The following USP34 variants were observed in gnomAD, a reference collection of about 807,000 sequenced individuals.
USP34 encodes ubiquitin specific peptidase 34, also known as ubiquitin carboxyl-terminal hydrolase 34.
In USP34, 70 loss-of-function variants were observed where a neutral mutation model predicts 460.3. That is an observed-to-expected ratio of 0.15 (90% CI 0.13 to 0.19). USP34 has a LOEUF of 0.19. USP34 is among the 10% of genes least tolerant of loss of function. The pLI, the probability that USP34 is intolerant of heterozygous loss-of-function variation, is 1.00. For synonymous variants in USP34, 1,647 were observed against 1,405.3 expected, an observed-to-expected ratio of 1.17 and a Z score of -3.85; for missense variants, 3,985 against 4,236.2, an observed-to-expected ratio of 0.94 and a Z score of 1.65.
intron 1 of USP34, among the ~76,000 whole-genome samples, chr2:61,467,415 G>A (rs1007926029): frequency 1.9e-4 from 29 of 152,148 alleles, no homozygotes; most frequent in Non-Finnish European, 3.2e-4. Flanking sequence ...CTCCTGCCGA[G>A]GCGGGATTAC....
At chr2:61,236,548 TA>T (rs1444842719) in intron 53 of USP34, among the ~76,000 whole-genome samples, 159 bp from the exon 54 acceptor site, 2 of 152,142 alleles carry the variant, frequency 1.3e-5, no homozygotes, top group Non-Finnish European at 2.9e-5. Context: ...TATATTCATA[TA>T]AATGGTTGCT....
At chr2:61,341,485 A>C (rs1451322070) in intron 16 of USP34, among the ~76,000 whole-genome samples, 1 of 152,108 alleles carries the variant, frequency 6.6e-6, no homozygotes, top group Non-Finnish European at 1.5e-5. Flanking sequence ...ATCCCTCATG[A>C]ATGTCTTCAT....
At chr2:61,396,145 C>A (rs1469425021) in intron 3 of USP34, among the ~76,000 whole-genome samples, 8 of 151,600 alleles carry the variant, frequency 5.3e-5, no homozygotes, top group Admixed American at 5.3e-4. Flanking sequence ...AAAAGTTTCT[C>A]AACAAACTTT....
chr2:61,374,712 T>C (rs1267326547), intron 8 of USP34, among the ~76,000 whole-genome samples: 1 of 151,678 alleles, frequency 6.6e-6, no homozygotes. Flanking sequence ...CAGGTTCAAG[T>C]GATTCACCAC....
intron 6 of USP34, among the ~76,000 whole-genome samples, chr2:61,381,016 G>C (rs900327182): frequency 6.6e-6 from 1 of 151,978 alleles, no homozygotes; most frequent in African/African-American, 2.4e-5. Flanking sequence ...TAGCATGCTC[G>C]TTAAGAGTCA....
At chr2:61,219,110 T>G (rs1687484462) in intron 67 of USP34, among the ~76,000 whole-genome samples, 1 of 152,264 alleles carries the variant, frequency 6.6e-6, no homozygotes, top group Non-Finnish European at 1.5e-5. Context: ...AAGTATGGAC[T>G]CATGAATATT....
At chr2:61,231,275 G>T (rs960091485) in intron 58 of USP34, among the ~76,000 whole-genome samples, 1 of 151,824 alleles carries the variant, frequency 6.6e-6, no homozygotes, top group African/African-American at 2.4e-5. Context: ...ATTGCTAATG[G>T]GTATAGGGTT....
chr2:61,465,087 C>T (rs1695722498), intron 1 of USP34, among the ~76,000 whole-genome samples: 1 of 151,816 alleles, frequency 6.6e-6, no homozygotes, highest in Admixed American at 6.6e-5. Flanking sequence ...ATGGCAAGTC[C>T]AGTATTTTAG....
chr2:61,338,733 C>A (rs1457904826), intron 18 of USP34, among the ~76,000 whole-genome samples: 2 of 151,746 alleles, frequency 1.3e-5, no homozygotes, highest in Non-Finnish European at 2.9e-5. Context: ...CAACTGAGTC[C>A]CAATGAGAAG....
At position 61,405,714 on chromosome 2, in the gene USP34, A is replaced by G; in HGVS notation, c.546T>C (p.Thr182=). ...CACCACCTATTTTACATACCTCAAT[A>G]GTAGGGTGAGTATTATGCTTGTAAG... ...YTAYKHNTHP[T]IEDISTQESN... is the part of the protein sequence containing the mutation. The change falls in exon 3 of 80, where the codon ACT becomes ACC. Residue 182 remains threonine (T), a synonymous_variant. Coordinates refer to ENST00000398571, the MANE Select transcript of USP34 (RefSeq NM_014709.4). The G allele has an allele frequency of 1.3e-6, 2 of 1,541,350 alleles. No individual in the cohort carries two copies. Among genetic ancestry groups the G allele is most frequent in the South Asian group, 1.3e-5 (1 of 77,520 alleles).
At chr2:61,313,328 C>CA (rs1379605421) in intron 25 of USP34, among the ~76,000 whole-genome samples, 2 of 151,662 alleles carry the variant, frequency 1.3e-5, no homozygotes, top group African/African-American at 4.8e-5. Context: ...ACTGAATGCT[C>CA]AAAAAACAAA....
chr2:61,238,058 G>C (rs1190580788), intron 53 of USP34, among the ~76,000 whole-genome samples: 1 of 151,716 alleles, frequency 6.6e-6, no homozygotes, highest in African/African-American at 2.4e-5. Context: ...ACCATACCCA[G>C]TTAATTTTTG....
chr2:61,352,042 G>C (rs530154591), intron 10 of USP34, among the ~76,000 whole-genome samples: 3 of 152,158 alleles, frequency 2.0e-5, no homozygotes, highest in Admixed American at 6.5e-5. Context: ...TTCAGGTTTT[G>C]GATTTTTCCA....
intron 75 of USP34, among the ~76,000 whole-genome samples, chr2:61,198,560 T>C (rs1572828238): frequency 6.7e-6 from 1 of 150,122 alleles, no homozygotes; most frequent in Non-Finnish European, 1.5e-5. Context: ...TGATAGACTT[T>C]TTTTTTTTTT....
At chr2:61,347,265 A>G (rs1691799879) in intron 15 of USP34, among the ~76,000 whole-genome samples, 1 of 152,240 alleles carries the variant, frequency 6.6e-6, no homozygotes, top group Non-Finnish European at 1.5e-5. Flanking sequence ...CTTGGTAAGA[A>G]AAAAAGGAAG....
chr2:61,377,294 A>G (rs17008755), intron 8 of USP34, among the ~76,000 whole-genome samples: 22,862 of 152,138 alleles, frequency 0.15, 2,063 homozygotes, highest in South Asian at 0.36. Context: ...TATGACTCAC[A>G]TGTATAATCA....
rs551549538 is a variant in USP34, at chr2:61,337,191, T to C, written c.2744+2160A>G. Among the ~76,000 whole-genome samples, 3 of 152,286 alleles carry C rather than the reference T, an allele frequency of 2.0e-5. No individual in the cohort carries two copies. The South Asian group carries it at 6.2e-4, about 32-fold the overall frequency. On this transcript the variant is annotated intron_variant, in intron 18 of 79. Transcript: ENST00000398571. ...CCATTCCAACCACTCAGGGTAGCTA[T>C]TACCCAGTCTACTAAATACAAGAAC...
intron 5 of USP34, among the ~76,000 whole-genome samples, chr2:61,386,721 T>C (rs1447529528): frequency 6.6e-6 from 1 of 151,890 alleles, no homozygotes; most frequent in Non-Finnish European, 1.5e-5. Flanking sequence ...ACCCAGGAGG[T>C]GGATGTTGCA....
At chr2:61,217,176 T>C (rs549533755) in intron 67 of USP34, among the ~76,000 whole-genome samples, 1 of 152,324 alleles carries the variant, frequency 6.6e-6, no homozygotes, top group Admixed American at 6.5e-5. Context: ...AAATTATGTT[T>C]TTCTTTAAGA....
Sources: gnomAD v4.1 joint callset for allele counts (sites outside exome capture counted in the v4.1 genomes callset) on GRCh38, gnomAD v4.1.1 for gene constraint, MANE v1.5 for transcripts, NCBI Gene and HGNC (gene_info 2026-07-23, HGNC 2026-07-21) for gene names.